PDE7B: variants seen among roughly 807,000 people sequenced by gnomAD.
PDE7B encodes the protein phosphodiesterase 7B.
PDE7B carries 29 observed loss-of-function variants against 56.2 expected under a neutral mutation model. That is an observed-to-expected ratio of 0.52 (90% confidence interval 0.38 to 0.70). The LOEUF (loss-of-function observed/expected upper bound fraction) is 0.70, where lower values mean the gene tolerates loss of function less well. Among genes scored for constraint, PDE7B ranks in the 30% least tolerant of loss-of-function variants. The pLI is 0.00. For missense variants in PDE7B, 490 were observed against 565.0 expected (o/e 0.87, Z 1.35); for synonymous variants, 197 against 196.9 (o/e 1.00, Z 0.00).
At chr6:136,011,277 T>C (rs894302017) in intron 2 of PDE7B, among the ~76,000 whole-genome samples, 2 of 152,154 alleles carry the variant, frequency 1.3e-5, no homozygotes, top group Admixed American at 6.5e-5. Flanking sequence ...TGCTCTCTTA[T>C]CCAAATGGCA....
intron 2 of PDE7B, among the ~76,000 whole-genome samples, chr6:136,060,242 C>T (rs902594431): frequency 6.6e-6 from 1 of 152,178 alleles, no homozygotes; most frequent in Non-Finnish European, 1.5e-5. Flanking sequence ...CAGACCTTCA[C>T]CCTGTTCCTG....
intron 12 of PDE7B, among the ~76,000 whole-genome samples, chr6:136,190,510 G>A (rs1171410611): frequency 6.6e-6 from 1 of 152,142 alleles, no homozygotes; most frequent in Non-Finnish European, 1.5e-5. Context: ...ATTAGTGTTG[G>A]AAATTTTTGT....
chr6:135,931,945 A>G (rs914827372), intron 1 of PDE7B, among the ~76,000 whole-genome samples: 1 of 84,032 alleles, frequency 1.2e-5, no homozygotes, highest in African/African-American at 5.8e-5. Context: ...GCACACACAC[A>G]CGCGCGCGCA....
intron 8 of PDE7B, among the ~76,000 whole-genome samples, chr6:136,164,375 T>G (rs1259501175): frequency 6.6e-6 from 1 of 152,082 alleles, no homozygotes; most frequent in African/African-American, 2.4e-5. Flanking sequence ...TCCTGTCACA[T>G]GTATGGATTA....
intron 2 of PDE7B, chr6:136,038,230 CAG>C: frequency 7.8e-7 from 1 of 1,274,770 alleles, no homozygotes; most frequent in Non-Finnish European, 1.0e-6. Context: ...GCAGCAGCAA[CAG>C]CAGCAGCAGC....
chr6:135,931,931 C>CCGCGCACACACACACGCG (rs1169653665), intron 1 of PDE7B, among the ~76,000 whole-genome samples: 5 of 127,106 alleles, frequency 3.9e-5, no homozygotes, highest in African/African-American at 6.5e-5. Context: ...TTTTTTGTTA[C>CCGCGCACACACACACGCG]CGCGCACACA....
chr6:136,026,389 C>G lies in PDE7B; in HGVS notation c.82+78865C>G, dbSNP rs182657932. On this transcript the variant is annotated intron_variant, in intron 2 of 12. Transcript: ENST00000308191. ...CACCCTGCTGGTCACAGTCATGACC[C>G]AGGTGGCAGTGAAGATGTGACTTTG... Among the ~76,000 whole-genome samples the G allele has an allele frequency of 3.5e-3, 527 of 152,272 alleles. 2 individuals carry two copies. Among genetic ancestry groups the G allele is most frequent in the African/African-American group, 0.012 (492 of 41,546 alleles).
intron 2 of PDE7B, among the ~76,000 whole-genome samples, chr6:136,107,734 G>A (rs754765015): frequency 2.0e-5 from 3 of 152,082 alleles, no homozygotes; most frequent in East Asian, 1.9e-4. Flanking sequence ...AAGGCCTACC[G>A]TGTTCTAAAG....
At position 135,889,510 on chromosome 6, in the gene PDE7B, G is replaced by A. The variant is rs553988925; in HGVS notation, c.21+37491G>A. Among the ~76,000 whole-genome samples the A allele has an allele frequency of 5.0e-5, 7 of 139,738 alleles. No homozygotes were observed. In the East Asian group the frequency reaches 1.5e-3, roughly 30 times the overall value. 91.7% of individuals were successfully genotyped at this position (139,738 alleles called of 152,430 possible). A position where few individuals can be genotyped will look rare whatever the true frequency, so the allele number is the denominator to read the frequency against. On this transcript the variant is annotated intron_variant, in intron 1 of 12. Transcript: ENST00000308191. Reference sequence around the variant, plus strand: ...TCCAGGAGTGCAATGACGCAATCTCGGCTCACTGTAACCTCCACCTCCTGG... The same window carrying A: ...TCCAGGAGTGCAATGACGCAATCTCAGCTCACTGTAACCTCCACCTCCTGG...
At chr6:136,153,208 C>T (rs552375958) in intron 6 of PDE7B, among the ~76,000 whole-genome samples, 1 of 152,266 alleles carries the variant, frequency 6.6e-6, no homozygotes, top group South Asian at 2.1e-4. Context: ...GATATAGATA[C>T]TTTGGACACG....
chr6:136,142,799 T>C (rs551503362), intron 3 of PDE7B, among the ~76,000 whole-genome samples: 1 of 152,044 alleles, frequency 6.6e-6, no homozygotes, highest in Non-Finnish European at 1.5e-5. Flanking sequence ...TTTTCCATTT[T>C]CTTGGTAGAT....
At chr6:135,911,069 T>C (rs143500231) in intron 1 of PDE7B, among the ~76,000 whole-genome samples, 8 of 152,200 alleles carry the variant, frequency 5.3e-5, no homozygotes, top group Non-Finnish European at 1.2e-4. Context: ...GAAAAATATT[T>C]AAAATGTAAG....
At chr6:135,935,227 T>C (rs1774401990) in intron 1 of PDE7B, among the ~76,000 whole-genome samples, 1 of 114,104 alleles carries the variant, frequency 8.8e-6, no homozygotes, top group Admixed American at 1.1e-4. Context: ...TTTTCATGAT[T>C]CTTGCTCTCC....
chr6:135,882,847 A>G (rs183262579), intron 1 of PDE7B, among the ~76,000 whole-genome samples: 3 of 152,344 alleles, frequency 2.0e-5, no homozygotes, highest in African/African-American at 7.2e-5. Flanking sequence ...ATATTTCACT[A>G]GATGGCCGGT....
Position 135,901,720 on chromosome 6 carries a change from C to T in PDE7B, c.22-45744C>T, listed in dbSNP as rs527465626. ...ATTGTGTCCACAATCTATTCAATTC[C>T]AGCGCACTATGCTTATTTACTGTAC... On this transcript the variant is annotated intron_variant, in intron 1 of 12. Coordinates refer to ENST00000308191, the MANE Select transcript of PDE7B (RefSeq NM_018945.4). Among the ~76,000 whole-genome samples, 362 of 152,248 alleles carry T rather than the reference C, an allele frequency of 2.4e-3. 3 individuals carry two copies. Among genetic ancestry groups the T allele is most frequent in the African/African-American group, 8.2e-3 (339 of 41,556 alleles).
intron 3 of PDE7B, among the ~76,000 whole-genome samples, chr6:136,112,878 G>A (rs1777771531): frequency 6.6e-6 from 1 of 151,304 alleles, no homozygotes; most frequent in African/African-American, 2.5e-5. Flanking sequence ...CTGCATATAA[G>A]GTGACTCTTG....
chr6:135,870,860 G>A (rs550789123), intron 1 of PDE7B, among the ~76,000 whole-genome samples: 15 of 152,212 alleles, frequency 9.9e-5, no homozygotes, highest in African/African-American at 3.4e-4. Context: ...GGAGAATGAA[G>A]ACTCCCAGAA....
chr6:135,903,384 A>G (rs1261228558), intron 1 of PDE7B, among the ~76,000 whole-genome samples: 2 of 152,202 alleles, frequency 1.3e-5, no homozygotes, highest in Non-Finnish European at 2.9e-5. Context: ...GTGTGTTTCT[A>G]CCACCTACAC....
Position 135,914,241 on chromosome 6 carries a change from T to C in PDE7B, c.22-33223T>C, listed in dbSNP as rs1254124265. ...GACATATAATTTATATACATTAACA[T>C]TTGTCCTTTTAAATTCCTTGAGTTT... On this transcript the variant is annotated intron_variant, in intron 1 of 12. Coordinates refer to ENST00000308191, the MANE Select transcript of PDE7B (RefSeq NM_018945.4). 2.6e-5 allele frequency among the ~76,000 whole-genome samples: 4 copies of C among 152,214 alleles called. No individual in the cohort carries two copies. In the East Asian group the frequency reaches 5.8e-4, roughly 22 times the overall value.
Sources: gnomAD v4.1 joint callset for allele counts (sites outside exome capture counted in the v4.1 genomes callset) on GRCh38, gnomAD v4.1.1 for gene constraint, MANE v1.5 for transcripts, NCBI Gene and HGNC (gene_info 2026-07-23, HGNC 2026-07-21) for gene names.